Variants in SERPINB4 observed in about 807,000 individuals in gnomAD.
SERPINB4 encodes the protein serpin B4.
SERPINB4 carries 39 observed loss-of-function variants against 33.2 expected under a neutral mutation model. The observed-to-expected ratio is 1.18, with a 90% CI of 0.91 to 1.53. The LOEUF is 1.53. Among genes scored for constraint, SERPINB4 ranks in the 40% most tolerant of loss-of-function variants. The probability of loss-of-function intolerance (pLI) is 0.00; values close to 1 mark genes in which losing one functional copy is unlikely to be tolerated. For synonymous variants in SERPINB4, 191 were observed against 166.4 expected, an observed-to-expected ratio of 1.15 and a Z score of -1.14; for missense variants, 564 against 455.4, an observed-to-expected ratio of 1.24 and a Z score of -2.17.
At chr18:63,638,916 C>CT (rs1393750632) in intron 7 of SERPINB4, among the ~76,000 whole-genome samples, 3 of 151,554 alleles carry the variant, frequency 2.0e-5, no homozygotes, top group African/African-American at 7.3e-5. Flanking sequence ...ACATATGTAA[C>CT]TAACCTGCAC....
intron 7 of SERPINB4, among the ~76,000 whole-genome samples, chr18:63,638,930 GT>G (rs1364158161): frequency 6.6e-6 from 1 of 151,722 alleles, no homozygotes; most frequent in African/African-American, 2.4e-5. Context: ...CCTGCACATT[GT>G]GCACATGTAC....
In SERPINB4 at chr18:63,642,936, G is replaced by A. The variant is rs142055399; in HGVS notation, c.222+225C>T. ...CTGGAGTCTGAACCCAGCCTATCCT[G>A]ATCCAGACCTATGCTCTGAGGTACA... is the stretch of plus-strand genomic sequence containing the variant. On this transcript the variant is annotated intron_variant, in intron 3 of 7. Transcript: ENST00000341074. 6.9e-4 allele frequency: 396 copies of A among 574,372 alleles called. 2 individuals are homozygous for A. The highest frequency in any genetic ancestry group is 6.6e-3 in the African/African-American group (352 of 53,170). The allele number at this position is 574,372 out of a possible 1,614,324, so 35.6% of individuals were successfully genotyped here. A position where few individuals can be genotyped will look rare whatever the true frequency, so the allele number is the denominator to read the frequency against.
Position 63,638,059 on chromosome 18 carries a change from GTC to G in SERPINB4, c.831_832del (p.Glu277AspfsTer17). On this transcript the variant is annotated frameshift_variant, in exon 8 of 8. Transcript: ENST00000341074. LOFTEE classifies it low-confidence loss of function (END_TRUNC). ...CCGAGGTAAGTGTAAATCGACACAT[GTC>G]TCTCTCATATTCTGCAAACTTGTCC... 6.2e-7 allele frequency: 1 copy of G among 1,613,368 alleles called. No individual in the cohort carries two copies.
chr18:63,641,970 C>T (rs190413900), intron 3 of SERPINB4, 82 bp from the exon 4 acceptor site: 7 of 1,584,878 alleles, frequency 4.4e-6, no homozygotes, highest in Middle Eastern at 1.8e-4. Context: ...TAGATCAGTC[C>T]CTAAATGCTG....
intron 5 of SERPINB4, 129 bp downstream of exon 5, chr18:63,640,745 G>T: frequency 1.4e-6 from 1 of 692,890 alleles, no homozygotes; most frequent in East Asian, 2.7e-5. Flanking sequence ...CCTTCATCTG[G>T]AGTGCCCTCT....
At chr18:63,642,011 C>G (rs1346413850) in intron 3 of SERPINB4, 123 bp from the exon 4 acceptor site, 3 of 1,395,064 alleles carry the variant, frequency 2.2e-6, no homozygotes, top group Non-Finnish European at 2.0e-6. Context: ...TGATGTTATT[C>G]CCTGATAATT....
In SERPINB4 at chr18:63,641,879, A is replaced by T. The variant is rs749057789; in HGVS notation, c.232T>A (p.Ser78Thr). 18 of 1,613,172 alleles carry T rather than the reference A, an allele frequency of 1.1e-5. No individual in the cohort carries two copies. The highest frequency in any genetic ancestry group is 5.0e-5 in the Admixed American group (3 of 59,882). ...TGAAACTGGTGATGAACATTTCCTGACCTATCAACCTTCAAACATCAAAAA... is the reference window on the plus strand; with the variant it reads ...TGAAACTGGTGATGAACATTTCCTGTCCTATCAACCTTCAAACATCAAAAA... ...EKAATYHVDR[S>T]GNVHHQFQKL... The change falls in exon 4 of 8, where the codon TCA becomes ACA. Residue 78 changes from serine (S) to threonine (T), a missense_variant. Physicochemically the swap from Ser to Thr is moderately conservative, Grantham distance 58. Transcript: ENST00000341074.
intron 4 of SERPINB4, 39 bp downstream of exon 4, chr18:63,641,721 A>G: frequency 6.2e-7 from 1 of 1,612,742 alleles, no homozygotes. Context: ...CACAGACATC[A>G]GGATGCAAAT....
chr18:63,642,894 A>T, intron 3 of SERPINB4: 3 of 458,848 alleles, frequency 6.5e-6, no homozygotes, highest in Non-Finnish European at 1.2e-5. Flanking sequence ...CTTATTCATC[A>T]TTTGTGAAGA....
intron 7 of SERPINB4, among the ~76,000 whole-genome samples, chr18:63,638,864 T>C (rs1287861482): frequency 3.3e-5 from 5 of 149,398 alleles, no homozygotes; most frequent in African/African-American, 9.8e-5. Flanking sequence ...TAACGCTAAA[T>C]GACGAGTTAA....
chr18:63,641,248 C>T (rs1913120719), intron 4 of SERPINB4, among the ~76,000 whole-genome samples: 1 of 152,082 alleles, frequency 6.6e-6, no homozygotes, highest in South Asian at 2.1e-4. Context: ...GGTTTGCAAA[C>T]TGCAGAGCAG....
At position 63,638,079 on chromosome 18, in the gene SERPINB4, A is replaced by G. The variant is rs1257227811; in HGVS notation, c.813T>C (p.Ser271=). ...CACATGTCTCTCTCATATTCTGCAA[A>G]CTTGTCCATTCCATCAATTTCTCAG... ...LTAEKLMEWT[S]LQNMRETCVD... is the part of the protein sequence containing the mutation. The change falls in exon 8 of 8, where the codon AGT becomes AGC. Residue 271 remains serine (S), a synonymous_variant. Transcript: ENST00000341074. The G allele has an allele frequency of 3.1e-6, 5 of 1,613,402 alleles. No individual in the cohort carries two copies. In the Admixed American group the frequency reaches 8.4e-5, roughly 27 times the overall value.
intron 7 of SERPINB4, among the ~76,000 whole-genome samples, chr18:63,638,404 CACATGTAAAA>C (rs1445470918): frequency 6.6e-6 from 1 of 151,824 alleles, no homozygotes. Context: ...CTGTATGATA[CACATGTAAAA>C]TATGATTACA....
At chr18:63,639,016 C>A (rs1328680250) in intron 7 of SERPINB4, among the ~76,000 whole-genome samples, 169 bp downstream of exon 7, 12 of 152,018 alleles carry the variant, frequency 7.9e-5, no homozygotes, top group Non-Finnish European at 5.9e-5. Flanking sequence ...CAGTTTGTGT[C>A]AGGCCCTATG....
intron 5 of SERPINB4, among the ~76,000 whole-genome samples, chr18:63,640,332 A>T (rs1598926847): frequency 6.6e-6 from 1 of 151,930 alleles, no homozygotes; most frequent in Non-Finnish European, 1.5e-5. Context: ...GGAGGTAAGA[A>T]AGATGTCTGT....
At chr18:63,641,664 C>T (rs908324044) in intron 4 of SERPINB4, 96 bp downstream of exon 4, 32 of 1,593,282 alleles carry the variant, frequency 2.0e-5, no homozygotes, top group East Asian at 1.8e-4. Context: ...CCACCTGAGT[C>T]GGCCAGGCTC....
chr18:63,643,714 A>C (rs1913219811), intron 1 of SERPINB4, 111 bp from the exon 2 acceptor site: 1 of 1,215,350 alleles, frequency 8.2e-7, no homozygotes, highest in Admixed American at 2.3e-5. Context: ...TTTGACATTT[A>C]AAGTTTTTCT....
At chr18:63,639,535 C>T (rs1461736965) in intron 6 of SERPINB4, 99 bp downstream of exon 6, 1 of 1,055,454 alleles carries the variant, frequency 9.5e-7, no homozygotes, top group East Asian at 2.6e-5. Context: ...CAGACATGAA[C>T]AATTTTTATT....
At chr18:63,639,818 A>G (rs1259266640) in intron 5 of SERPINB4, 42 bp from the exon 6 acceptor site, 8 of 1,553,444 alleles carry the variant, frequency 5.1e-6, no homozygotes, top group Admixed American at 1.8e-5. Flanking sequence ...ACAAGCTACA[A>G]ATGGCTTGTC....
Sources: allele counts gnomAD v4.1 joint callset (sites outside exome capture counted in the v4.1 genomes callset), GRCh38; gene constraint gnomAD v4.1.1; transcripts MANE v1.5; gene names NCBI Gene and HGNC (gene_info 2026-07-23, HGNC 2026-07-21).